Variants in FOXP1 observed in about 807,000 individuals in gnomAD.
The protein encoded by FOXP1 is forkhead box protein P1.
In FOXP1, 15 loss-of-function variants were observed where a neutral mutation model predicts 98.2. The ratio of observed to expected loss-of-function variants is 0.15; its 90% CI spans 0.10 to 0.24. The LOEUF is 0.24. Ranked by LOEUF, FOXP1 falls within the 10% of genes least tolerant of loss-of-function variation. FOXP1 has a pLI of 1.00. For missense variants in FOXP1, 633 were observed against 848.5 expected, an observed-to-expected ratio of 0.75 and a Z score of 3.15; for synonymous variants, 371 against 314.5, an observed-to-expected ratio of 1.18 and a Z score of -1.90.
chr3:71,001,903 T>C (rs542839373), intron 12 of FOXP1, among the ~76,000 whole-genome samples: 20 of 152,360 alleles, frequency 1.3e-4, no homozygotes, highest in African/African-American at 4.6e-4. Context: ...ACAGCAGACC[T>C]GATTCTGTAA....
chr3:71,295,214 A>G (rs1237216839), intron 5 of FOXP1, among the ~76,000 whole-genome samples: 1 of 152,196 alleles, frequency 6.6e-6, no homozygotes, highest in African/African-American at 2.4e-5. Context: ...TCTTCATAAC[A>G]ACTTCCTTAA....
chr3:71,125,658 C>A (rs1375511547), intron 6 of FOXP1, among the ~76,000 whole-genome samples: 1 of 152,188 alleles, frequency 6.6e-6, no homozygotes, highest in East Asian at 1.9e-4. Flanking sequence ...ATCTTTTGAA[C>A]TTCCAGTAAC....
At chr3:71,192,030 C>T (rs920323878) in intron 6 of FOXP1, among the ~76,000 whole-genome samples, 4 of 152,138 alleles carry the variant, frequency 2.6e-5, no homozygotes, top group African/African-American at 9.7e-5. Context: ...CAGTACCTGG[C>T]CCCATGAAAG....
intron 7 of FOXP1, among the ~76,000 whole-genome samples, chr3:71,096,397 C>T (rs965034314): frequency 1.3e-5 from 2 of 152,102 alleles, no homozygotes; most frequent in Non-Finnish European, 2.9e-5. Context: ...GTTTTAAAAG[C>T]TTTGATCCCT....
rs1261176496 is a variant in FOXP1, at chr3:71,272,928, G to A, written c.-12+26892C>T. 2.6e-5 allele frequency among the ~76,000 whole-genome samples: 4 copies of A among 152,172 alleles called. No homozygotes were observed. The East Asian group carries it at 5.8e-4, about 22-fold the overall frequency. ...CCATCTCAAGGCCATGGTCTTCCAT[G>A]GTTTGGAAGGTGCAGCATCTGGAGA... On this transcript the variant is annotated intron_variant, in intron 5 of 20. Coordinates refer to ENST00000649528, the MANE Select transcript of FOXP1 (RefSeq NM_001349338.3).
intron 11 of FOXP1, among the ~76,000 whole-genome samples, chr3:71,040,069 C>T (rs2048132701): frequency 6.6e-6 from 1 of 151,232 alleles, no homozygotes; most frequent in South Asian, 2.1e-4. Context: ...CATGGTTTTA[C>T]ACTTGAACAT....
rs529063725 is a variant in FOXP1, at chr3:70,961,376, G to A, written c.1890-1985C>T. Among the ~76,000 whole-genome samples, 17 of 152,006 alleles carry A rather than the reference G, an allele frequency of 1.1e-4. No individual in the cohort carries two copies. In the East Asian group the frequency reaches 3.1e-3, roughly 28 times the overall value. On this transcript the variant is annotated intron_variant, in intron 20 of 20. Coordinates refer to ENST00000649528, the MANE Select transcript of FOXP1 (RefSeq NM_001349338.3). ...CTCCCAAGTAGCTGAGATTACAGGG[G>A]CCCACCACCACACCTGGCTAATTTT...
At chr3:71,455,561 T>C (rs1392770870) in intron 3 of FOXP1, among the ~76,000 whole-genome samples, 1 of 152,180 alleles carries the variant, frequency 6.6e-6, no homozygotes, top group African/African-American at 2.4e-5. Flanking sequence ...TCTTAAATGT[T>C]GGATGGGGTG....
At chr3:71,222,730 G>A (rs913793898) in intron 5 of FOXP1, among the ~76,000 whole-genome samples, 10 of 152,190 alleles carry the variant, frequency 6.6e-5, no homozygotes, top group African/African-American at 2.4e-4. Context: ...CCCATTCGCT[G>A]TTGGTGTTCC....
At chr3:71,325,788 T>A (rs1054598133) in intron 4 of FOXP1, among the ~76,000 whole-genome samples, 4 of 152,080 alleles carry the variant, frequency 2.6e-5, no homozygotes, top group Non-Finnish European at 5.9e-5. Flanking sequence ...AAAGCAATCT[T>A]CCCACCTCCT....
intron 5 of FOXP1, among the ~76,000 whole-genome samples, chr3:71,271,898 T>G (rs1337862165): frequency 6.6e-6 from 1 of 152,224 alleles, no homozygotes; most frequent in Non-Finnish European, 1.5e-5. Flanking sequence ...AAAACTGCTG[T>G]CCAAATTGGT....
At chr3:71,101,384 AG>A (rs1288130476) in intron 7 of FOXP1, among the ~76,000 whole-genome samples, 1 of 152,166 alleles carries the variant, frequency 6.6e-6, no homozygotes, top group Non-Finnish European at 1.5e-5. Flanking sequence ...CTGAAATTAA[AG>A]GGGATCAAAG....
At chr3:71,403,881 G>A (rs1418803357) in intron 3 of FOXP1, among the ~76,000 whole-genome samples, 1 of 151,928 alleles carries the variant, frequency 6.6e-6, no homozygotes, top group Non-Finnish European at 1.5e-5. Context: ...AAAAGTAAAG[G>A]ATCCGAGAAA....
intron 4 of FOXP1, among the ~76,000 whole-genome samples, chr3:71,324,111 A>G (rs1038558175): frequency 2.0e-4 from 31 of 151,990 alleles, no homozygotes; most frequent in African/African-American, 7.0e-4. Context: ...TTCATACTCT[A>G]TGTTCCTGAG....
At chr3:70,970,989 T>C (rs1181060064) in intron 18 of FOXP1, 184 bp from the exon 19 acceptor site, 1 of 623,806 alleles carries the variant, frequency 1.6e-6, no homozygotes, top group Non-Finnish European at 2.9e-6. Context: ...TGCACACCTC[T>C]GGGGTTGGAC....
At chr3:71,541,912 C>G (rs1008384045) in intron 2 of FOXP1, 1 of 500,272 alleles carries the variant, frequency 2.0e-6, no homozygotes, top group Non-Finnish European at 4.1e-6. Flanking sequence ...AGTCAACACT[C>G]GAGGTTTGAC....
intron 5 of FOXP1, chr3:71,296,607 A>AG: frequency 7.1e-6 from 1 of 141,784 alleles, no homozygotes; most frequent in East Asian, 2.0e-4. Context: ...ATACTGTAAA[A>AG]GAAAAAAAAA....
At chr3:71,090,128 C>CG (rs2055634229) in intron 7 of FOXP1, among the ~76,000 whole-genome samples, 1 of 152,172 alleles carries the variant, frequency 6.6e-6, no homozygotes, top group Non-Finnish European at 1.5e-5. Context: ...ATCTAGCCTG[C>CG]GGGCCATCAG....
At chr3:71,524,010 A>G (rs966495465) in intron 2 of FOXP1, among the ~76,000 whole-genome samples, 3 of 152,188 alleles carry the variant, frequency 2.0e-5, no homozygotes, top group Non-Finnish European at 2.9e-5. Flanking sequence ...ACAGACAGAA[A>G]CCCAAAATAA....
Sources: allele counts gnomAD v4.1 joint callset (sites outside exome capture counted in the v4.1 genomes callset), GRCh38; gene constraint gnomAD v4.1.1; transcripts MANE v1.5; gene names NCBI Gene and HGNC (gene_info 2026-07-23, HGNC 2026-07-21).